The following TMEM132B variants were observed in gnomAD, a reference collection of about 807,000 sequenced individuals.
The protein encoded by TMEM132B is transmembrane protein 132B.
In TMEM132B, 18 loss-of-function variants were observed where a neutral mutation model predicts 90.8. The observed-to-expected ratio is 0.20, with a 90% CI of 0.14 to 0.29. The LOEUF is 0.29. Ranked by LOEUF, TMEM132B falls within the 10% of genes least tolerant of loss-of-function variation. The pLI is 1.00. For synonymous variants in TMEM132B, 504 were observed against 523.3 expected (o/e 0.96, Z 0.50); for missense variants, 1,096 against 1,326.8 (o/e 0.83, Z 2.70).
At chr12:125,197,452 G>A (rs1872950187) in intron 1 of TMEM132B, among the ~76,000 whole-genome samples, 2 of 152,130 alleles carry the variant, frequency 1.3e-5, no homozygotes, top group Non-Finnish European at 2.9e-5. Flanking sequence ...GTTATTTTCT[G>A]TACCCTTTAA....
chr12:125,339,922 A>G (rs895379290), intron 1 of TMEM132B, among the ~76,000 whole-genome samples: 2 of 152,238 alleles, frequency 1.3e-5, no homozygotes, highest in Non-Finnish European at 2.9e-5. Context: ...ACTTCAGTCC[A>G]TAACACTCCT....
At chr12:125,556,484 A>T (rs980909397) in intron 4 of TMEM132B, among the ~76,000 whole-genome samples, 3 of 152,178 alleles carry the variant, frequency 2.0e-5, no homozygotes, top group African/African-American at 7.2e-5. Flanking sequence ...AACCCGGGGG[A>T]TGTGGAAGAG....
chr12:125,640,213 C>T (rs565498221), intron 5 of TMEM132B, among the ~76,000 whole-genome samples: 1 of 152,370 alleles, frequency 6.6e-6, no homozygotes, highest in South Asian at 2.1e-4. Flanking sequence ...ATGCTTTCCC[C>T]TAAACCAATC....
chr12:125,528,267 G>T (rs901372456), intron 4 of TMEM132B, among the ~76,000 whole-genome samples: 18 of 152,066 alleles, frequency 1.2e-4, no homozygotes, highest in African/African-American at 4.1e-4. Flanking sequence ...GGTGTTGAGG[G>T]CTGCAGTCCA....
At chr12:125,538,856 G>T (rs1333782700) in intron 4 of TMEM132B, among the ~76,000 whole-genome samples, 2 of 152,064 alleles carry the variant, frequency 1.3e-5, no homozygotes, top group African/African-American at 4.8e-5. Flanking sequence ...AAAAATAGAG[G>T]AGTTACCCCG....
intron 1 of TMEM132B, among the ~76,000 whole-genome samples, chr12:125,192,951 G>C (rs1237033209): frequency 6.6e-6 from 1 of 152,168 alleles, no homozygotes; most frequent in African/African-American, 2.4e-5. Flanking sequence ...TCATTACAAG[G>C]CTGGGTGGTT....
chr12:125,485,043 A>T (rs901356043), intron 3 of TMEM132B, among the ~76,000 whole-genome samples: 3 of 152,220 alleles, frequency 2.0e-5, no homozygotes, highest in Admixed American at 6.5e-5. Context: ...GAAAGTCAGG[A>T]TAATGGCTCT....
At chr12:125,196,249 C>A (rs1872922712) in intron 1 of TMEM132B, among the ~76,000 whole-genome samples, 1 of 152,176 alleles carries the variant, frequency 6.6e-6, no homozygotes, top group African/African-American at 2.4e-5. Context: ...GTGCTCATTA[C>A]TGTACTTGGA....
chr12:125,458,608 G>A lies in TMEM132B; in HGVS notation c.1106+42931G>A, dbSNP rs533297902. 3.5e-4 allele frequency among the ~76,000 whole-genome samples: 54 copies of A among 152,262 alleles called. No homozygotes were observed. Among genetic ancestry groups the A allele is most frequent in the African/African-American group, 1.3e-3 (54 of 41,568 alleles). ...AGGTGGAGATCAGATCACACATGGA[G>A]CTGGCTCAGGACCCCTGGAAATGAG... On this transcript the variant is annotated intron_variant, in intron 3 of 8. Coordinates refer to ENST00000682704, the MANE Select transcript of TMEM132B (RefSeq NM_001366854.1). This position sits in a 1 kb window ranked among gnomAD's most constrained non-coding sequence, Gnocchi z 4.9.
chr12:125,340,238 A>G (rs1877134582), intron 1 of TMEM132B, among the ~76,000 whole-genome samples: 1 of 152,144 alleles, frequency 6.6e-6, no homozygotes, highest in South Asian at 2.1e-4. Flanking sequence ...AATAGCGAAA[A>G]ATGTGTGCGC....
chr12:125,264,942 T>G (rs1874652354), intron 1 of TMEM132B, among the ~76,000 whole-genome samples: 1 of 152,222 alleles, frequency 6.6e-6, no homozygotes, highest in Admixed American at 6.5e-5. Flanking sequence ...GGATACCTTC[T>G]GAGAAATTTG....
chr12:125,598,085 A>C (rs909601645), intron 5 of TMEM132B, among the ~76,000 whole-genome samples: 1 of 152,208 alleles, frequency 6.6e-6, no homozygotes, highest in Non-Finnish European at 1.5e-5. Context: ...GAGAACTGCT[A>C]TGATGAAGGA....
Position 125,432,366 on chromosome 12 carries a change from A to AAAATATATAT in TMEM132B, c.1106+16690_1106+16691insAATATATATA, listed in dbSNP as rs1199430670. 2.8e-3 allele frequency among the ~76,000 whole-genome samples: 33 copies of AAAATATATAT among 11,916 alleles called. 3 individuals are homozygous for AAAATATATAT. Among genetic ancestry groups the AAAATATATAT allele is most frequent in the African/African-American group, 7.7e-3 (29 of 3,746 alleles). 7.8% of individuals were successfully genotyped at this position (11,916 alleles called of 152,430 possible). On this transcript the variant is annotated intron_variant, in intron 3 of 8. Transcript: ENST00000682704. ...GTGAATGGGCCAAGGGAATTCCTTG[A>AAAATATATAT]ATATATATATATATATATATATATA...
Position 125,369,591 on chromosome 12 carries a change from C to G in TMEM132B, c.959+19248C>G, listed in dbSNP as rs569956252. ...CAAAGATGAGACTTAAAAATGTCAG[C>G]CAGAGAAGTGGAGAAACCAAGAGAA... On this transcript the variant is annotated intron_variant, in intron 2 of 8. Transcript: ENST00000682704. 8.5e-5 allele frequency among the ~76,000 whole-genome samples: 13 copies of G among 152,108 alleles called. No individual in the cohort carries two copies. In the East Asian group the frequency reaches 2.3e-3, roughly 27 times the overall value.
intron 3 of TMEM132B, among the ~76,000 whole-genome samples, chr12:125,455,489 G>A (rs1223662654): frequency 1.3e-5 from 2 of 152,110 alleles, no homozygotes; most frequent in East Asian, 1.9e-4. Context: ...TGTTGGTGAC[G>A]GGAGGTTTAA....
At position 125,270,330 on chromosome 12, in the gene TMEM132B, GCA is replaced by G. The variant is rs76579223; in HGVS notation, c.68-79121_68-79120del. Among the ~76,000 whole-genome samples the G allele has an allele frequency of 9.5e-3, 1,439 of 152,152 alleles. 15 individuals carry two copies. The highest frequency in any genetic ancestry group is 0.012 in the Non-Finnish European group (834 of 68,002). ...CTAAGTTTTATTTTCCCTCTTGTTAGCATATGATCCTTTGCTCCCTAAGGCCA... is the reference window on the plus strand; with the variant it reads ...CTAAGTTTTATTTTCCCTCTTGTTAGTATGATCCTTTGCTCCCTAAGGCCA... On this transcript the variant is annotated intron_variant, in intron 1 of 8. Coordinates refer to ENST00000682704, the MANE Select transcript of TMEM132B (RefSeq NM_001366854.1).
In TMEM132B at chr12:125,246,204, G is replaced by A. The variant is rs891360776; in HGVS notation, c.67+59338G>A. Among the ~76,000 whole-genome samples the A allele has an allele frequency of 6.6e-6, 1 of 152,192 alleles. No homozygotes were observed. ...ACTGGACTGGAGGTCGCTCTGTGCC[G>A]AGGAGAATGTCAAGCCTGTTAGATC... On this transcript the variant is annotated intron_variant, in intron 1 of 8. Coordinates refer to ENST00000682704, the MANE Select transcript of TMEM132B (RefSeq NM_001366854.1). The surrounding 1 kb of genome is among the most constrained non-coding windows in gnomAD (Gnocchi z 4.2).
At chr12:125,261,659 G>T (rs1874571306) in intron 1 of TMEM132B, among the ~76,000 whole-genome samples, 1 of 152,176 alleles carries the variant, frequency 6.6e-6, no homozygotes, top group East Asian at 1.9e-4. Flanking sequence ...TTTATTGAAA[G>T]AATAACATTA....
At chr12:125,522,161 C>T (rs557164107) in intron 4 of TMEM132B, among the ~76,000 whole-genome samples, 20 of 152,282 alleles carry the variant, frequency 1.3e-4, no homozygotes, top group African/African-American at 4.8e-4. Flanking sequence ...AGAGGCTTCT[C>T]CTGGTTACTC....
Sources: allele counts gnomAD v4.1 joint callset (sites outside exome capture counted in the v4.1 genomes callset), GRCh38; gene constraint gnomAD v4.1.1; non-coding constraint Gnocchi (gnomAD v3.1); transcripts MANE v1.5; gene names NCBI Gene and HGNC (gene_info 2026-07-23, HGNC 2026-07-21).